ARL5B: variants seen among roughly 807,000 people sequenced by gnomAD.
ARL5B encodes ARF like GTPase 5B, also known as ADP-ribosylation factor-like protein 5B.
A neutral mutation model predicts 26.9 loss-of-function variants in ARL5B; 10 were observed. The observed-to-expected ratio is 0.37, with a 90% CI of 0.23 to 0.63. The LOEUF (loss-of-function observed/expected upper bound fraction) is 0.63, where lower values mean the gene tolerates loss of function less well. Among genes scored for constraint, ARL5B ranks in the 30% least tolerant of loss-of-function variants. The pLI, the probability that ARL5B is intolerant of heterozygous loss-of-function variation, is 0.62. For missense variants in ARL5B, 167 were observed against 213.9 expected (o/e 0.78, Z 1.37); for synonymous variants, 87 against 70.4 (o/e 1.24, Z -1.18).
At chr10:18,667,987 C>T (rs1184977735) in intron 2 of ARL5B, among the ~76,000 whole-genome samples, 1 of 152,100 alleles carries the variant, frequency 6.6e-6, no homozygotes, top group Non-Finnish European at 1.5e-5. Flanking sequence ...TAGGTGTGAG[C>T]CACCACACCT....
At chr10:18,665,736 CTT>C (rs1419015807) in intron 1 of ARL5B, among the ~76,000 whole-genome samples, 3 of 152,146 alleles carry the variant, frequency 2.0e-5, no homozygotes, top group Non-Finnish European at 4.4e-5. Context: ...TAACTTGTAA[CTT>C]TTTAAGCATT....
At chr10:18,671,102 G>T (rs566037230) in intron 3 of ARL5B, among the ~76,000 whole-genome samples, 19 of 152,070 alleles carry the variant, frequency 1.2e-4, no homozygotes, top group Non-Finnish European at 2.1e-4. Flanking sequence ...TTTGCCACGC[G>T]ACATTCTTTC....
At chr10:18,667,349 C>T (rs1313404995) in intron 2 of ARL5B, among the ~76,000 whole-genome samples, 1 of 152,126 alleles carries the variant, frequency 6.6e-6, no homozygotes, top group Non-Finnish European at 1.5e-5. Context: ...CAGTGATTAA[C>T]GCATTTTTCA....
chr10:18,659,882 C>T (rs1452525785), intron 1 of ARL5B, 199 bp downstream of exon 1: 1 of 985,166 alleles, frequency 1.0e-6, no homozygotes, highest in Non-Finnish European at 1.2e-6. Context: ...AATAGGGAGG[C>T]AGAAGAGAAG....
intron 1 of ARL5B, among the ~76,000 whole-genome samples, chr10:18,661,354 G>C (rs1337639949): frequency 2.0e-5 from 3 of 152,084 alleles, no homozygotes; most frequent in Admixed American, 2.0e-4. Context: ...ACTCAGACTA[G>C]AGGTAATAAA....
At position 18,666,644 on chromosome 10, in the gene ARL5B, G is replaced by A. The variant is rs2059862384; in HGVS notation, c.107+9G>A. Reference sequence around the variant, plus strand: ...ACCATTCTTTACCAATTGTAAGTATGGGTGTTTATTAAACAGTTTTCACTA... The same window carrying A: ...ACCATTCTTTACCAATTGTAAGTATAGGTGTTTATTAAACAGTTTTCACTA... On this transcript the variant is annotated intron_variant, in intron 2 of 5. Coordinates refer to ENST00000377275, the MANE Select transcript of ARL5B (RefSeq NM_178815.5). The A allele has an allele frequency of 1.3e-6, 2 of 1,598,008 alleles. No homozygotes were observed. Among genetic ancestry groups the A allele is most frequent in the African/African-American group, 1.3e-5 (1 of 74,602 alleles).
chr10:18,665,132 T>C (rs12265017), intron 1 of ARL5B, among the ~76,000 whole-genome samples: 3 of 150,742 alleles, frequency 2.0e-5, no homozygotes, highest in African/African-American at 7.2e-5. Context: ...TAAAGGTTCT[T>C]GTACTTTAAG....
intron 1 of ARL5B, among the ~76,000 whole-genome samples, chr10:18,662,911 C>T (rs1014084351): frequency 3.3e-5 from 5 of 151,988 alleles, no homozygotes; most frequent in Admixed American, 2.0e-4. Flanking sequence ...CCATGTTGGT[C>T]AGGCTGGTTT....
In ARL5B at chr10:18,679,547, CAAA is replaced by C. The variant is rs977621342; in HGVS notation, c.*4335_*4337del. The C allele has an allele frequency of 6.6e-6, 1 of 151,352 alleles. No homozygotes were observed. The highest frequency in any genetic ancestry group is 1.9e-4 in the East Asian group (1 of 5,180). 9.4% of individuals were successfully genotyped at this position (151,352 alleles called of 1,614,324 possible). On this transcript the variant is annotated 3_prime_UTR_variant, in exon 6 of 6. Transcript: ENST00000377275. ...ACTGAAATCCAAAAGCCAGGTTCCC[CAAA>C]AAAGTATTTTTAAAAAATTTTAGGG...
At chr10:18,670,610 C>CA (rs201444132) in intron 3 of ARL5B, among the ~76,000 whole-genome samples, 179 of 149,344 alleles carry the variant, frequency 1.2e-3, no homozygotes, top group Admixed American at 8.7e-4. Context: ...CGCTCTCTCT[C>CA]AAAAAAAAAG....
At chr10:18,660,349 A>G (rs1351486660) in intron 1 of ARL5B, among the ~76,000 whole-genome samples, 1 of 152,178 alleles carries the variant, frequency 6.6e-6, no homozygotes. Flanking sequence ...AGGGCCGAGA[A>G]GTTGCAAAAC....
chr10:18,662,539 T>G (rs905697245), intron 1 of ARL5B, among the ~76,000 whole-genome samples: 2 of 152,224 alleles, frequency 1.3e-5, no homozygotes, highest in African/African-American at 4.8e-5. Context: ...TATATGTTAA[T>G]GTAGTTCTGT....
chr10:18,673,105 C>T (rs979992634), intron 4 of ARL5B, among the ~76,000 whole-genome samples: 1 of 151,896 alleles, frequency 6.6e-6, no homozygotes, highest in Admixed American at 6.6e-5. Flanking sequence ...CTCTGTTGCC[C>T]AGGCTGGAGT....
chr10:18,674,143 C>A lies in ARL5B; in HGVS notation c.491+8C>A. The A allele has an allele frequency of 6.2e-7, 1 of 1,602,626 alleles. No homozygotes were observed. Among genetic ancestry groups the A allele is most frequent in the Non-Finnish European group, 8.5e-7 (1 of 1,175,360 alleles). ...TGCTCTCACAGGAGAAGGGTAAGTT[C>A]ATCCGTCTGAGGGGAGGTATGACTT... On this transcript the variant is annotated splice_region_variant and intron_variant, in intron 5 of 5. Transcript: ENST00000377275.
chr10:18,674,941 A>G (rs1349158599), intron 5 of ARL5B, among the ~76,000 whole-genome samples: 1 of 152,182 alleles, frequency 6.6e-6, no homozygotes, highest in African/African-American at 2.4e-5. Context: ...GCAAAGTTGT[A>G]TCTTCAAGAT....
intron 1 of ARL5B, among the ~76,000 whole-genome samples, chr10:18,665,332 C>A (rs2131639800): frequency 6.6e-6 from 1 of 152,200 alleles, no homozygotes; most frequent in East Asian, 1.9e-4. Flanking sequence ...GACCCTGTCT[C>A]AAATAAATAA....
chr10:18,681,519 A>C lies in ARL5B; in HGVS notation c.*6303A>C, dbSNP rs1246723559. On this transcript the variant is annotated 3_prime_UTR_variant, in exon 6 of 6. Coordinates refer to ENST00000377275, the MANE Select transcript of ARL5B (RefSeq NM_178815.5). ...AGTAAAACGATGCTGTTTGCTCTGG[A>C]ATGTTCATCTTTTAGACAGGTTTTG... is the stretch of plus-strand genomic sequence containing the variant. 6.6e-6 allele frequency: 1 copy of C among 152,138 alleles called. No homozygotes were observed. Among genetic ancestry groups the C allele is most frequent in the Non-Finnish European group, 1.5e-5 (1 of 68,016 alleles). 9.4% of individuals were successfully genotyped at this position (152,138 alleles called of 1,614,324 possible).
rs780134745 is a variant in ARL5B at position 18,678,021 on chromosome 10, G to A, written c.*2805G>A. Reference sequence around the variant, plus strand: ...AATACAGCATTTTTCTTAATTTTGAGCGTGTCATGTCCTTCATCTTTAAAC... The same window carrying A: ...AATACAGCATTTTTCTTAATTTTGAACGTGTCATGTCCTTCATCTTTAAAC... On this transcript the variant is annotated 3_prime_UTR_variant, in exon 6 of 6. Transcript: ENST00000377275. 9 of 151,648 alleles carry A rather than the reference G, an allele frequency of 5.9e-5. No homozygotes were observed. The highest frequency in any genetic ancestry group is 1.0e-4 in the Non-Finnish European group (7 of 67,742). 9.4% of individuals were successfully genotyped at this position (151,648 alleles called of 1,614,324 possible). A position where few individuals can be genotyped will look rare whatever the true frequency, so the allele number is the denominator to read the frequency against.
Position 18,672,637 on chromosome 10 carries a change from G to A in ARL5B, c.271G>A (p.Val91Ile). Reference sequence around the variant, plus strand: ...TTTCTTCTAGTTCATCATTCTTGTTGTTGATAGCATTGACAGGGAACGACT... The same window carrying A: ...TTTCTTCTAGTTCATCATTCTTGTTATTGATAGCATTGACAGGGAACGACT... ...YSNTEFIILV[V>I]DSIDRERLAI... The change falls in exon 4 of 6, where the codon GTT (valine) becomes ATT (isoleucine). Residue 91 changes from valine (V) to isoleucine (I), a missense_variant. Transcript: ENST00000377275. 1 of 1,608,464 alleles carries A rather than the reference G, an allele frequency of 6.2e-7. No individual in the cohort carries two copies.
Sources: allele counts gnomAD v4.1 joint callset (sites outside exome capture counted in the v4.1 genomes callset), GRCh38; gene constraint gnomAD v4.1.1; transcripts MANE v1.5; gene names NCBI Gene and HGNC (gene_info 2026-07-23, HGNC 2026-07-21).